The following SLC37A1 variants were observed in gnomAD, a reference collection of about 807,000 sequenced individuals.
SLC37A1 encodes the protein glucose-6-phosphate exchanger SLC37A1.
SLC37A1 carries 49 observed loss-of-function variants against 75.3 expected under a neutral mutation model. The ratio of observed to expected loss-of-function variants is 0.65; its 90% CI spans 0.52 to 0.83. The LOEUF (loss-of-function observed/expected upper bound fraction) is 0.83, where lower values mean the gene tolerates loss of function less well. Ranked by LOEUF, SLC37A1 falls within the 40% of genes least tolerant of loss-of-function variation. SLC37A1 has a pLI of 0.00. For synonymous variants in SLC37A1, 268 were observed against 292.1 expected, an observed-to-expected ratio of 0.92 and a Z score of 0.84; for missense variants, 566 against 695.0, an observed-to-expected ratio of 0.81 and a Z score of 2.09.
intron 13 of SLC37A1, among the ~76,000 whole-genome samples, chr21:42,564,283 G>A (rs1164844891): frequency 6.6e-6 from 1 of 150,704 alleles, no homozygotes; most frequent in Non-Finnish European, 1.5e-5. Context: ...TCCAGCCTTG[G>A]GAGGCTAGGA....
intron 8 of SLC37A1, 108 bp from the exon 9 acceptor site, chr21:42,546,993 CCA>C: frequency 7.9e-7 from 1 of 1,272,588 alleles, no homozygotes; most frequent in Non-Finnish European, 1.1e-6. Context: ...TGCATACAGT[CCA>C]GTTTCACACC....
chr21:42,521,689 T>C (rs2054652788), intron 2 of SLC37A1, among the ~76,000 whole-genome samples: 1 of 152,258 alleles, frequency 6.6e-6, no homozygotes, highest in African/African-American at 2.4e-5. Context: ...ATTTTTCATA[T>C]TGGTGGAAGC....
rs116036772 is a variant in SLC37A1, at chr21:42,500,459, A to C, written c.-301+716A>C. On this transcript the variant is annotated intron_variant, in intron 1 of 20. Transcript: ENST00000398341. ...TGGGCTGTTGTGAGGTCAAAATTAG[A>C]TATTCATAATGAGAGTAGCATAGTG... Among the ~76,000 whole-genome samples, 707 of 152,310 alleles carry C rather than the reference A, an allele frequency of 4.6e-3. 6 individuals are homozygous for C. The highest frequency in any genetic ancestry group is 0.016 in the African/African-American group (666 of 41,554).
intron 2 of SLC37A1, among the ~76,000 whole-genome samples, chr21:42,525,512 G>T (rs2054767052): frequency 6.6e-6 from 1 of 152,220 alleles, no homozygotes; most frequent in African/African-American, 2.4e-5. Context: ...TTAGAAGTAT[G>T]GTATGTTGTG....
At chr21:42,561,819 G>A (rs1052638969) in intron 11 of SLC37A1, 1 of 442,628 alleles carries the variant, frequency 2.3e-6, no homozygotes, top group Non-Finnish European at 4.1e-6. Context: ...CCGAGGAGCT[G>A]CAGCTGGGGC....
At chr21:42,556,006 GGGTGT>G (rs2055682414) in intron 10 of SLC37A1, among the ~76,000 whole-genome samples, 1 of 152,204 alleles carries the variant, frequency 6.6e-6, no homozygotes, top group Admixed American at 6.5e-5. Flanking sequence ...GGGCTCAGTG[GGGTGT>G]CACCCAGCCC....
intron 8 of SLC37A1, among the ~76,000 whole-genome samples, chr21:42,544,218 C>G (rs1485434969): frequency 1.3e-5 from 2 of 152,074 alleles, no homozygotes; most frequent in African/African-American, 4.8e-5. Flanking sequence ...GACAGGGGCT[C>G]GAATCCCGCA....
At chr21:42,563,440 C>A (rs771327114) in intron 12 of SLC37A1, among the ~76,000 whole-genome samples, 5 of 152,124 alleles carry the variant, frequency 3.3e-5, no homozygotes, top group African/African-American at 4.8e-5. Context: ...GAGCTGGTGC[C>A]GGGAGGCCTC....
chr21:42,557,576 C>T (rs188088138), intron 10 of SLC37A1, among the ~76,000 whole-genome samples: 1 of 152,256 alleles, frequency 6.6e-6, no homozygotes, highest in Non-Finnish European at 1.5e-5. Context: ...GAGACCCGCT[C>T]TCCATGCCAG....
rs113608011 is a variant in SLC37A1, at chr21:42,568,255, G to A, written c.1345-105G>A. On this transcript the variant is annotated intron_variant, in intron 16 of 19. Coordinates refer to ENST00000352133, the MANE Select transcript of SLC37A1 (RefSeq NM_001320537.2). The stretch of plus-strand genomic sequence containing the variant: ...TTTAAATAATGGGAAACACCCTCAC[G>A]ATGAGTTGTTTTGCAGAGCAGTTTG... The A allele has an allele frequency of 6.9e-3, 5,975 of 864,196 alleles. 225 individuals are homozygous for A. In the African/African-American group the frequency reaches 0.086, roughly 12 times the overall value. 53.5% of individuals were successfully genotyped at this position (864,196 alleles called of 1,614,324 possible). A position where few individuals can be genotyped will look rare whatever the true frequency, so the allele number is the denominator to read the frequency against.
intron 3 of SLC37A1, among the ~76,000 whole-genome samples, chr21:42,533,114 C>T (rs921723574): frequency 2.6e-5 from 4 of 152,160 alleles, no homozygotes; most frequent in African/African-American, 9.7e-5. Flanking sequence ...GCAGGACTTC[C>T]GGCTGCTGCC....
At chr21:42,525,017 A>G (rs1340167324) in intron 2 of SLC37A1, among the ~76,000 whole-genome samples, 1 of 152,062 alleles carries the variant, frequency 6.6e-6, no homozygotes, top group Admixed American at 6.5e-5. Flanking sequence ...GTTCTGCTCG[A>G]TCGTGCCTGT....
At chr21:42,562,236 C>T (rs2055849032) in intron 12 of SLC37A1, 68 bp downstream of exon 12, 2 of 1,403,792 alleles carry the variant, frequency 1.4e-6, no homozygotes, top group Non-Finnish European at 2.0e-6. Flanking sequence ...CTTCTGTCTG[C>T]TGGTTTCTAG....
At chr21:42,569,262 G>T (rs917809391) in intron 17 of SLC37A1, among the ~76,000 whole-genome samples, 2 of 152,326 alleles carry the variant, frequency 1.3e-5, no homozygotes, top group African/African-American at 4.8e-5. Flanking sequence ...CCACTGGCTC[G>T]TGCAGGGAGC....
At position 42,530,654 on chromosome 21, in the gene SLC37A1, A is replaced by ACACAC. The variant is rs1161313598; in HGVS notation, c.139-4043_139-4042insACACC. ...CACACACACACACACACACACACACACCCCCTCTGTGTTGGCTGAAGGTGG... is the reference window on the plus strand; with the variant it reads ...CACACACACACACACACACACACACACACACCCCCCTCTGTGTTGGCTGAAGGTGG... On this transcript the variant is annotated intron_variant, in intron 3 of 19. Coordinates refer to ENST00000352133, the MANE Select transcript of SLC37A1 (RefSeq NM_001320537.2). 3.6e-3 allele frequency among the ~76,000 whole-genome samples: 130 copies of ACACAC among 35,886 alleles called. 4 individuals carry two copies. Among genetic ancestry groups the ACACAC allele is most frequent in the South Asian group, 6.9e-3 (9 of 1,296 alleles). The allele number at this position is 35,886 out of a possible 152,430, so 23.5% of individuals were successfully genotyped here. A position where few individuals can be genotyped will look rare whatever the true frequency, so the allele number is the denominator to read the frequency against.
intron 1 of SLC37A1, among the ~76,000 whole-genome samples, chr21:42,517,608 G>T (rs2054546470): frequency 6.6e-6 from 1 of 152,174 alleles, no homozygotes; most frequent in South Asian, 2.1e-4. Flanking sequence ...GGGAGACCAG[G>T]CCTGCCTGCT....
At chr21:42,557,278 G>A (rs2055715632) in intron 10 of SLC37A1, among the ~76,000 whole-genome samples, 4 of 152,258 alleles carry the variant, frequency 2.6e-5, no homozygotes, top group Non-Finnish European at 5.9e-5. Context: ...GCCTGGGGCT[G>A]CCCCAGGGAC....
In SLC37A1 at chr21:42,543,426, T is replaced by C; in HGVS notation, c.564-10T>C. The C allele has an allele frequency of 6.2e-7, 1 of 1,614,188 alleles. No homozygotes were observed. Among genetic ancestry groups the C allele is most frequent in the Non-Finnish European group, 8.5e-7 (1 of 1,180,024 alleles). On this transcript the variant is annotated splice_polypyrimidine_tract_variant and intron_variant, in intron 7 of 19. Coordinates refer to ENST00000352133, the MANE Select transcript of SLC37A1 (RefSeq NM_001320537.2). The stretch of plus-strand genomic sequence containing the variant: ...CTCCATCTTCTGTCTTCTGTTTTGT[T>C]GTGCTGCAGGAGAGGTTTGATTATG...
At chr21:42,529,725 G>T (rs181664229) in intron 3 of SLC37A1, among the ~76,000 whole-genome samples, 14 of 152,278 alleles carry the variant, frequency 9.2e-5, no homozygotes, top group African/African-American at 3.4e-4. Context: ...AATTCAGATC[G>T]CCAGGAAATA....
Sources: allele counts gnomAD v4.1 joint callset (sites outside exome capture counted in the v4.1 genomes callset), GRCh38; gene constraint gnomAD v4.1.1; transcripts MANE v1.5; gene names NCBI Gene and HGNC (gene_info 2026-07-23, HGNC 2026-07-21).